The following MOV10L1 variants were observed in gnomAD, a reference collection of about 807,000 sequenced individuals.
MOV10L1 encodes Mov10 like RNA helicase 1.
MOV10L1 carries 110 observed loss-of-function variants against 143.8 expected under a neutral mutation model. The ratio of observed to expected loss-of-function variants is 0.76; its 90% CI spans 0.66 to 0.90. MOV10L1 has a LOEUF of 0.90. MOV10L1 is among the 40% of genes least tolerant of loss of function. The pLI is 0.00. For missense variants in MOV10L1, 1,406 were observed against 1,526.8 expected (o/e 0.92, Z 1.32); for synonymous variants, 593 against 581.1 (o/e 1.02, Z -0.29).
At chr22:50,127,288 G>A (rs2062536148) in intron 12 of MOV10L1, among the ~76,000 whole-genome samples, 2 of 152,206 alleles carry the variant, frequency 1.3e-5, no homozygotes, top group South Asian at 4.1e-4. Context: ...TGAGCCATAT[G>A]GCCGGGCCTC....
intron 19 of MOV10L1, chr22:50,147,117 G>A (rs1340779578): frequency 6.3e-7 from 1 of 1,583,780 alleles, no homozygotes; most frequent in Non-Finnish European, 8.6e-7. Flanking sequence ...AGCGGGCACT[G>A]CATGGACCCT....
intron 22 of MOV10L1, among the ~76,000 whole-genome samples, chr22:50,153,513 G>A (rs912854652): frequency 6.6e-6 from 1 of 152,232 alleles, no homozygotes; most frequent in Non-Finnish European, 1.5e-5. Flanking sequence ...GCTCTGGAGG[G>A]CCTGGGGAAG....
intron 3 of MOV10L1, among the ~76,000 whole-genome samples, chr22:50,102,447 G>A (rs1304585946): frequency 6.6e-6 from 1 of 152,174 alleles, no homozygotes; most frequent in Non-Finnish European, 1.5e-5. Context: ...GCAAAAGGAA[G>A]AATTATGCTA....
At chr22:50,108,503 G>T (rs2061935461) in intron 4 of MOV10L1, 154 bp from the exon 5 acceptor site, 2 of 811,622 alleles carry the variant, frequency 2.5e-6, no homozygotes, top group Non-Finnish European at 4.0e-6. Context: ...GGAGAAAGGT[G>T]TGTTGGAGAA....
intron 26 of MOV10L1, 88 bp from the exon 27 acceptor site, chr22:50,161,280 T>C: frequency 8.3e-7 from 1 of 1,199,920 alleles, no homozygotes; most frequent in Non-Finnish European, 1.2e-6. Context: ...TAAGTCCCCT[T>C]GTAAAACCCA....
chr22:50,125,225 G>A (rs1455206064), intron 10 of MOV10L1, among the ~76,000 whole-genome samples, 167 bp from the exon 11 acceptor site: 1 of 152,240 alleles, frequency 6.6e-6, no homozygotes, highest in African/African-American at 2.4e-5. Context: ...CCCTCGTGCT[G>A]AAGGCCGGGG....
At chr22:50,126,388 G>A in intron 12 of MOV10L1, 116 bp downstream of exon 12, 1 of 621,994 alleles carries the variant, frequency 1.6e-6, no homozygotes, top group Non-Finnish European at 2.8e-6. Context: ...TGGCTATTTT[G>A]GAAAATGTCA....
intron 3 of MOV10L1, among the ~76,000 whole-genome samples, chr22:50,103,610 G>A (rs1032200181): frequency 6.6e-6 from 1 of 152,130 alleles, no homozygotes; most frequent in Non-Finnish European, 1.5e-5. Context: ...GCCTGAAGGT[G>A]GGGTCTGAGC....
At chr22:50,090,227 C>A (rs1228305445) in intron 1 of MOV10L1, 42 bp downstream of exon 1, 1 of 1,409,050 alleles carries the variant, frequency 7.1e-7, no homozygotes. Context: ...CCCGGGCCCT[C>A]GCGTGTCGGC....
chr22:50,108,491 A>G, intron 4 of MOV10L1, 166 bp from the exon 5 acceptor site: 1 of 779,052 alleles, frequency 1.3e-6, no homozygotes, highest in Non-Finnish European at 2.1e-6. Flanking sequence ...AAAATGTTCT[A>G]AGGAGAAAGG....
rs781400852 is a variant in MOV10L1 at position 50,090,068 on chromosome 22, A to ACGACG, written c.-21_-20insCGACG. The stretch of plus-strand genomic sequence containing the variant: ...GGGCGGCGGCAGCGGCGGTGACGGC[A>ACGACG]GCCTAGGCCGGGCGAGGGCCATGCT... On this transcript the variant is annotated 5_prime_UTR_variant, in exon 1 of 27. Coordinates refer to ENST00000262794, the MANE Select transcript of MOV10L1 (RefSeq NM_018995.3). 7 of 1,240,556 alleles carry ACGACG rather than the reference A, an allele frequency of 5.6e-6. No individual in the cohort carries two copies. Among genetic ancestry groups the ACGACG allele is most frequent in the Non-Finnish European group, 7.1e-6 (7 of 988,610 alleles). The allele number at this position is 1,240,556 out of a possible 1,614,324, so 76.8% of individuals were successfully genotyped here.
intron 15 of MOV10L1, among the ~76,000 whole-genome samples, chr22:50,139,451 CTT>C (rs1359651639): frequency 6.6e-6 from 1 of 151,878 alleles, no homozygotes; most frequent in Non-Finnish European, 1.5e-5. Context: ...ATGGCATACA[CTT>C]TTAGTCCCAG....
chr22:50,137,162 G>T (rs893841935), intron 15 of MOV10L1, among the ~76,000 whole-genome samples: 1 of 152,110 alleles, frequency 6.6e-6, no homozygotes, highest in Non-Finnish European at 1.5e-5. Flanking sequence ...AGTGAAAAAC[G>T]TAACCCAAAA....
In MOV10L1 at chr22:50,115,761, C is replaced by T. The variant is rs116373893; in HGVS notation, c.1259+515C>T. 7.2e-3 allele frequency among the ~76,000 whole-genome samples: 1,097 copies of T among 152,286 alleles called. 9 individuals carry two copies. Among genetic ancestry groups the T allele is most frequent in the African/African-American group, 0.025 (1,035 of 41,572 alleles). ...CTCTCTGAGGCCTGAGCTCCCTGTG[C>T]TTCTGCTGTTCTGAGACATCACGTT... On this transcript the variant is annotated intron_variant, in intron 8 of 26. Transcript: ENST00000262794.
In MOV10L1 at chr22:50,114,511, GAGA is replaced by G. The variant is rs777425442; in HGVS notation, c.1018_1020del (p.Lys340del). ...CGTGGTATCTTTTGTTTCTGTTCCTGAGAAGGAGAATTCATCAGATGAAAATAT... is the reference window on the plus strand; with the variant it reads ...CGTGGTATCTTTTGTTTCTGTTCCTGAGGAGAATTCATCAGATGAAAATAT... On this transcript the variant is annotated inframe_deletion, in exon 7 of 27. Coordinates refer to ENST00000262794, the MANE Select transcript of MOV10L1 (RefSeq NM_018995.3). 2 of 1,614,182 alleles carry G rather than the reference GAGA, an allele frequency of 1.2e-6. No homozygotes were observed. The highest frequency in any genetic ancestry group is 1.7e-6 in the Non-Finnish European group (2 of 1,180,040).
intron 19 of MOV10L1, chr22:50,149,392 C>T (rs746932851): frequency 7.6e-5 from 42 of 551,632 alleles, no homozygotes; most frequent in East Asian, 1.2e-4. Context: ...GAAATACAGA[C>T]GCTGCGTGCA....
intron 6 of MOV10L1, among the ~76,000 whole-genome samples, chr22:50,114,147 T>C (rs2062103473): frequency 6.6e-6 from 1 of 151,868 alleles, no homozygotes; most frequent in South Asian, 2.1e-4. Flanking sequence ...CTGGAGCTCC[T>C]GACCTTGTGA....
At chr22:50,125,862 A>T (rs1282829074) in intron 11 of MOV10L1, among the ~76,000 whole-genome samples, 1 of 151,826 alleles carries the variant, frequency 6.6e-6, no homozygotes, top group East Asian at 1.9e-4. Context: ...ATCTCAGCTC[A>T]TTGCAACCTC....
Position 50,157,996 on chromosome 22 carries a change from A to G in MOV10L1, c.3067-61A>G, listed in dbSNP as rs558032457. On this transcript the variant is annotated intron_variant, in intron 22 of 26. Coordinates refer to ENST00000262794, the MANE Select transcript of MOV10L1 (RefSeq NM_018995.3). ...TCCCAGCACCGACTTCAGCTCCTGGATTGTAGCCTTCTGGTGAATATTCAT... is the reference window on the plus strand; with the variant it reads ...TCCCAGCACCGACTTCAGCTCCTGGGTTGTAGCCTTCTGGTGAATATTCAT... The G allele has an allele frequency of 5.1e-5, 79 of 1,559,652 alleles. No homozygotes were observed. In the African/African-American group the frequency reaches 9.8e-4, roughly 19 times the overall value.
Sources: gnomAD v4.1 joint callset for allele counts (sites outside exome capture counted in the v4.1 genomes callset) on GRCh38, gnomAD v4.1.1 for gene constraint, MANE v1.5 for transcripts, NCBI Gene and HGNC (gene_info 2026-07-23, HGNC 2026-07-21) for gene names.